The following SCAPER variants were observed in gnomAD, a reference collection of about 807,000 sequenced individuals.
SCAPER encodes the protein S phase cyclin A-associated protein in the endoplasmic reticulum.
A neutral mutation model predicts 182.2 loss-of-function variants in SCAPER; 98 were observed. That is an observed-to-expected ratio of 0.54 (90% CI 0.46 to 0.64). The LOEUF is 0.64. Ranked by LOEUF, SCAPER falls within the 30% of genes least tolerant of loss-of-function variation. The pLI, the probability that SCAPER is intolerant of heterozygous loss-of-function variation, is 0.00. For synonymous variants in SCAPER, 605 were observed against 564.6 expected, an observed-to-expected ratio of 1.07 and a Z score of -1.01; for missense variants, 1,432 against 1,690.0, an observed-to-expected ratio of 0.85 and a Z score of 2.68.
chr15:76,832,361 C>T (rs2068558703), intron 5 of SCAPER, among the ~76,000 whole-genome samples: 1 of 152,166 alleles, frequency 6.6e-6, no homozygotes, highest in African/African-American at 2.4e-5. Flanking sequence ...TAAGAGAATA[C>T]ATGAAGCTGA....
intron 24 of SCAPER, among the ~76,000 whole-genome samples, chr15:76,487,775 G>GT (rs1250344438): frequency 1.3e-5 from 2 of 152,082 alleles, no homozygotes; most frequent in East Asian, 3.9e-4. Context: ...CAGAGATCAG[G>GT]TTGTTCTGCC....
chr15:76,818,609 G>C (rs1169947747), intron 5 of SCAPER, among the ~76,000 whole-genome samples: 1 of 152,204 alleles, frequency 6.6e-6, no homozygotes, highest in Non-Finnish European at 1.5e-5. Flanking sequence ...AAGGGGGGTG[G>C]AGCCAAGATG....
chr15:76,439,633 T>C (rs547959509), intron 25 of SCAPER, among the ~76,000 whole-genome samples: 1 of 152,364 alleles, frequency 6.6e-6, no homozygotes, highest in East Asian at 1.9e-4. Flanking sequence ...GCCAAGGGCC[T>C]GTCCTTTGGG....
chr15:76,423,894 G>A (rs2046232672), intron 26 of SCAPER, among the ~76,000 whole-genome samples: 1 of 152,174 alleles, frequency 6.6e-6, no homozygotes, highest in African/African-American at 2.4e-5. Context: ...AGTCATTCAG[G>A]AGCAGGTTGT....
chr15:76,789,112 A>C (rs1210341637), intron 8 of SCAPER, among the ~76,000 whole-genome samples: 6 of 152,184 alleles, frequency 3.9e-5, no homozygotes, highest in Non-Finnish European at 8.8e-5. Context: ...AACATTATGA[A>C]ACTGAAAAAT....
In SCAPER at chr15:76,535,432, G is replaced by C. The variant is rs2044052132; in HGVS notation, c.2839-30458C>G. On this transcript the variant is annotated intron_variant, in intron 23 of 31. Transcript: ENST00000563290. The stretch of plus-strand genomic sequence containing the variant: ...AGCTACTCAGGAGGCTGAGGCAGGA[G>C]AATGGTGTGAACCCAGGAGGCGGAG... Among the ~76,000 whole-genome samples, 3 of 138,038 alleles carry C rather than the reference G, an allele frequency of 2.2e-5. No homozygotes were observed. In the South Asian group the frequency reaches 7.2e-4, roughly 33 times the overall value. 90.6% of individuals were successfully genotyped at this position (138,038 alleles called of 152,430 possible).
intron 24 of SCAPER, among the ~76,000 whole-genome samples, chr15:76,498,121 G>A (rs1343758401): frequency 1.3e-5 from 2 of 151,712 alleles, no homozygotes; most frequent in Non-Finnish European, 2.9e-5. Context: ...ATACCACCAG[G>A]GTGGCTGTTC....
intron 1 of SCAPER, among the ~76,000 whole-genome samples, chr15:76,901,396 ACT>A (rs1254470172): frequency 1.3e-5 from 2 of 152,120 alleles, no homozygotes; most frequent in African/African-American, 2.4e-5. Flanking sequence ...AAATACTGAA[ACT>A]CTCTCTCTTT....
intron 24 of SCAPER, chr15:76,472,255 A>C: frequency 1.8e-6 from 1 of 565,082 alleles, no homozygotes. Context: ...GAGGTACCCA[A>C]AAAGAAAAAG....
intron 23 of SCAPER, among the ~76,000 whole-genome samples, chr15:76,552,364 C>T (rs1015907142): frequency 2.6e-5 from 4 of 152,054 alleles, no homozygotes; most frequent in African/African-American, 9.7e-5. Context: ...TAAAGGACTG[C>T]ACATCCGCAA....
intron 29 of SCAPER, among the ~76,000 whole-genome samples, chr15:76,365,580 C>T (rs890427140): frequency 6.6e-6 from 1 of 152,220 alleles, no homozygotes; most frequent in African/African-American, 2.4e-5. Flanking sequence ...TGAGAAAGAA[C>T]CCTATCTATA....
chr15:76,875,774 G>T (rs1371362981), intron 2 of SCAPER, among the ~76,000 whole-genome samples: 2 of 152,334 alleles, frequency 1.3e-5, no homozygotes, highest in East Asian at 3.9e-4. Context: ...GCTCAGGAGT[G>T]AAGCTGCAGA....
chr15:76,495,735 A>G (rs1242455671), intron 24 of SCAPER, among the ~76,000 whole-genome samples: 1 of 152,150 alleles, frequency 6.6e-6, no homozygotes, highest in Non-Finnish European at 1.5e-5. Context: ...CTGCAACTCC[A>G]AAATAGCTTT....
chr15:76,652,331 CAT>C (rs1308485401), intron 21 of SCAPER, among the ~76,000 whole-genome samples: 8 of 24,458 alleles, frequency 3.3e-4, no homozygotes, highest in Non-Finnish European at 4.4e-4. Flanking sequence ...CACACACACA[CAT>C]ACACATATAT....
intron 5 of SCAPER, among the ~76,000 whole-genome samples, chr15:76,813,563 A>G (rs1386072395): frequency 6.6e-6 from 1 of 152,242 alleles, no homozygotes; most frequent in East Asian, 1.9e-4. Flanking sequence ...GGAAAATGCT[A>G]CAGGTGTCAC....
chr15:76,423,817 T>G (rs1451591542), intron 26 of SCAPER, among the ~76,000 whole-genome samples: 4 of 152,170 alleles, frequency 2.6e-5, no homozygotes, highest in African/African-American at 9.7e-5. Context: ...CTGGTATGTT[T>G]TGTCTTTGCT....
At chr15:76,456,935 T>C (rs2048781019) in intron 25 of SCAPER, among the ~76,000 whole-genome samples, 1 of 152,246 alleles carries the variant, frequency 6.6e-6, no homozygotes. Context: ...TGTCTTTTTA[T>C]CCACTTTCAA....
chr15:76,606,244 G>GAA (rs2145858954), intron 22 of SCAPER, among the ~76,000 whole-genome samples: 1 of 152,290 alleles, frequency 6.6e-6, no homozygotes, highest in Non-Finnish European at 1.5e-5. Context: ...TGGTTTCAAA[G>GAA]AACATCTTTA....
chr15:76,848,032 G>C (rs548468240), intron 4 of SCAPER, among the ~76,000 whole-genome samples: 33 of 152,144 alleles, frequency 2.2e-4, no homozygotes, highest in Admixed American at 4.6e-4. Context: ...TTTTGAGAAG[G>C]AGTCTCACTC....
Sources: allele counts gnomAD v4.1 joint callset (sites outside exome capture counted in the v4.1 genomes callset), GRCh38; gene constraint gnomAD v4.1.1; transcripts MANE v1.5; gene names NCBI Gene and HGNC (gene_info 2026-07-23, HGNC 2026-07-21).